AGBL4: variants seen among roughly 807,000 people sequenced by gnomAD.
AGBL4 encodes AGBL carboxypeptidase 4, also known as cytosolic carboxypeptidase 6.
Under a neutral mutation model 66.4 loss-of-function variants are expected in AGBL4, and 58 were observed. The ratio of observed to expected loss-of-function variants is 0.87; its 90% CI spans 0.71 to 1.09. The LOEUF (loss-of-function observed/expected upper bound fraction) is 1.09, where lower values mean the gene tolerates loss of function less well. AGBL4 is among the 50% of genes least tolerant of loss of function. AGBL4 has a pLI of 0.00. For synonymous variants in AGBL4, 234 were observed against 222.9 expected (o/e 1.05, Z -0.44); for missense variants, 579 against 631.0 (o/e 0.92, Z 0.88).
At chr1:49,894,003 G>C (rs758532860) in intron 1 of AGBL4, among the ~76,000 whole-genome samples, 1 of 152,160 alleles carries the variant, frequency 6.6e-6, no homozygotes, top group Non-Finnish European at 1.5e-5. Context: ...CCCAAACCCA[G>C]CACCAGATGG....
intron 4 of AGBL4, among the ~76,000 whole-genome samples, chr1:49,155,403 G>A (rs1265195162): frequency 6.6e-6 from 1 of 152,126 alleles, no homozygotes; most frequent in Non-Finnish European, 1.5e-5. Context: ...GTTTTAAGAT[G>A]TTTACTTGCA....
At chr1:49,441,387 C>A (rs1023726093) in intron 3 of AGBL4, among the ~76,000 whole-genome samples, 7 of 152,096 alleles carry the variant, frequency 4.6e-5, no homozygotes, top group African/African-American at 1.7e-4. Flanking sequence ...AAAAAAGGCT[C>A]TAATAGTTTA....
intron 5 of AGBL4, among the ~76,000 whole-genome samples, chr1:48,918,480 T>C (rs1653798784): frequency 6.6e-6 from 1 of 152,198 alleles, no homozygotes; most frequent in Non-Finnish European, 1.5e-5. Context: ...GAAATTTATG[T>C]TGAAATCCTA....
intron 1 of AGBL4, among the ~76,000 whole-genome samples, chr1:49,962,834 G>C (rs571848067): frequency 1.3e-5 from 2 of 152,222 alleles, no homozygotes; most frequent in East Asian, 3.9e-4. Context: ...AGATCTTCTA[G>C]TCTAACTCCC....
chr1:49,505,465 C>G (rs1489362525), intron 3 of AGBL4, among the ~76,000 whole-genome samples: 2 of 151,754 alleles, frequency 1.3e-5, no homozygotes, highest in Admixed American at 1.3e-4. Flanking sequence ...GTTTATCTCT[C>G]TTTCATTTCT....
At chr1:49,479,369 T>TG (rs1275305703) in intron 3 of AGBL4, among the ~76,000 whole-genome samples, 1 of 151,962 alleles carries the variant, frequency 6.6e-6, no homozygotes, top group Non-Finnish European at 1.5e-5. Flanking sequence ...AAACCTGTGT[T>TG]GGGGGGTTGG....
chr1:49,256,029 G>A (rs942832621), intron 3 of AGBL4, among the ~76,000 whole-genome samples: 3 of 152,090 alleles, frequency 2.0e-5, no homozygotes, highest in Non-Finnish European at 4.4e-5. Flanking sequence ...TGGGAGAATG[G>A]AAATCGGGAA....
intron 5 of AGBL4, among the ~76,000 whole-genome samples, chr1:48,939,710 T>G: frequency 6.6e-6 from 1 of 152,216 alleles, no homozygotes; most frequent in East Asian, 1.9e-4. Flanking sequence ...TCCCTCTCCA[T>G]GTAGGCAAGT....
At chr1:48,656,020 A>G (rs911033497) in intron 7 of AGBL4, among the ~76,000 whole-genome samples, 1 of 152,152 alleles carries the variant, frequency 6.6e-6, no homozygotes, top group African/African-American at 2.4e-5. Context: ...GACACCATCA[A>G]CCTCCTTGAG....
At chr1:48,720,365 C>T (rs1402223538) in intron 6 of AGBL4, among the ~76,000 whole-genome samples, 1 of 152,180 alleles carries the variant, frequency 6.6e-6, no homozygotes, top group African/African-American at 2.4e-5. Flanking sequence ...GCAGAGGAGG[C>T]AGGAGAAGTT....
chr1:48,973,298 T>C (rs1439282721), intron 5 of AGBL4, among the ~76,000 whole-genome samples: 1 of 152,184 alleles, frequency 6.6e-6, no homozygotes, highest in Admixed American at 6.6e-5. Flanking sequence ...TGGATCTATT[T>C]CCTGGCCAAT....
At chr1:49,970,801 G>C (rs1223819086) in intron 1 of AGBL4, among the ~76,000 whole-genome samples, 1 of 147,342 alleles carries the variant, frequency 6.8e-6, no homozygotes, top group African/African-American at 2.5e-5. Context: ...AATCATCAGG[G>C]AAATGCAAGT....
At chr1:49,754,326 T>A (rs1201314847) in intron 2 of AGBL4, among the ~76,000 whole-genome samples, 1 of 151,964 alleles carries the variant, frequency 6.6e-6, no homozygotes, top group African/African-American at 2.4e-5. Flanking sequence ...CTCTAAGTTT[T>A]AGGGTACATG....
chr1:49,561,722 G>C (rs1305495), intron 3 of AGBL4, among the ~76,000 whole-genome samples: 7,561 of 152,126 alleles, frequency 0.05, 584 homozygotes, highest in African/African-American at 0.16. Flanking sequence ...GGATATTTGG[G>C]TTGGTTCCAA....
chr1:49,619,307 C>T (rs920244075), intron 3 of AGBL4, among the ~76,000 whole-genome samples: 3 of 152,138 alleles, frequency 2.0e-5, no homozygotes, highest in Non-Finnish European at 4.4e-5. Context: ...AAACCACAAG[C>T]ATTCCTATAC....
intron 3 of AGBL4, among the ~76,000 whole-genome samples, chr1:49,568,932 C>T (rs184863220): frequency 4.5e-4 from 68 of 152,192 alleles, no homozygotes; most frequent in Middle Eastern, 3.4e-3. Context: ...TGCACTCCCG[C>T]GTTTGTTACA....
At chr1:48,740,206 G>A (rs1314817312) in intron 6 of AGBL4, among the ~76,000 whole-genome samples, 2 of 152,212 alleles carry the variant, frequency 1.3e-5, no homozygotes, top group Non-Finnish European at 2.9e-5. Flanking sequence ...ATAGGCCGGG[G>A]CATTTGAGAC....
intron 3 of AGBL4, among the ~76,000 whole-genome samples, chr1:49,250,775 G>T (rs908917956): frequency 6.6e-6 from 1 of 152,128 alleles, no homozygotes; most frequent in Non-Finnish European, 1.5e-5. Context: ...AGCTCTGGGG[G>T]AATGGAGTCA....
At chr1:48,652,941 AAC>A (rs1645955237) in intron 8 of AGBL4, among the ~76,000 whole-genome samples, 1 of 152,196 alleles carries the variant, frequency 6.6e-6, no homozygotes, top group South Asian at 2.1e-4. Flanking sequence ...TATTCTGCAA[AAC>A]ACATTCCTTC....
Sources: allele counts gnomAD v4.1 joint callset (sites outside exome capture counted in the v4.1 genomes callset), GRCh38; gene constraint gnomAD v4.1.1; transcripts MANE v1.5; gene names NCBI Gene and HGNC (gene_info 2026-07-23, HGNC 2026-07-21).